Variants in PRR12 observed in about 807,000 individuals in gnomAD.
PRR12 encodes proline-rich protein 12.
Under a neutral mutation model 138.0 loss-of-function variants are expected in PRR12, and 12 were observed. That is an observed-to-expected ratio of 0.09 (90% CI 0.06 to 0.14). The LOEUF (loss-of-function observed/expected upper bound fraction) is 0.14. Among genes scored for constraint, PRR12 ranks in the 10% least tolerant of loss-of-function variants. The probability of loss-of-function intolerance (pLI) is 1.00; values close to 1 mark genes in which losing one functional copy is unlikely to be tolerated. For synonymous variants in PRR12, 1,567 were observed against 1,291.7 expected (o/e 1.21, Z -4.57); for missense variants, 2,692 against 2,861.3 (o/e 0.94, Z 1.35).
chr19:49,620,603 G>T, intron 10 of PRR12, 126 bp downstream of exon 10: 2 of 1,367,076 alleles, frequency 1.5e-6, no homozygotes, highest in South Asian at 1.4e-5. Flanking sequence ...GAGGGAAGAG[G>T]AGCTGAGGCC....
rs746776469 is a variant in PRR12, at chr19:49,595,094, TGCCGCC to T, written c.765_770del (p.Ala257_Ala258del). 1 of 1,610,602 alleles carries T rather than the reference TGCCGCC, an allele frequency of 6.2e-7. No homozygotes were observed. The highest frequency in any genetic ancestry group is 1.3e-5 in the African/African-American group (1 of 74,494). On this transcript the variant is annotated inframe_deletion, in exon 4 of 14. Transcript: ENST00000418929. ...TCAACCTGCTGGCTTCCTCTTCCGC[TGCCGCC>T]GCCGCTGCCGAGCAGTCCTCCCCAC...
Position 49,591,248 on chromosome 19 carries a change from G to A in PRR12, c.-407G>A, listed in dbSNP as rs1335212589. Reference sequence around the variant, plus strand: ...GAGCGCAGAGGAGGAGGAGGCGGCGGCGGCGGCGGCGAGAGAGCGAGCACC... The same window carrying A: ...GAGCGCAGAGGAGGAGGAGGCGGCGACGGCGGCGGCGAGAGAGCGAGCACC... On this transcript the variant is annotated 5_prime_UTR_variant, in exon 1 of 14. Transcript: ENST00000418929. Among the ~76,000 whole-genome samples the A allele has an allele frequency of 6.7e-6, 1 of 149,508 alleles. No individual in the cohort carries two copies. Among genetic ancestry groups the A allele is most frequent in the African/African-American group, 2.5e-5 (1 of 40,406 alleles).
intron 6 of PRR12, among the ~76,000 whole-genome samples, chr19:49,609,176 G>A (rs1381431493): frequency 6.6e-6 from 1 of 152,174 alleles, no homozygotes; most frequent in Admixed American, 6.5e-5. Flanking sequence ...TTAGCCAGGT[G>A]TGGTGGCACA....
intron 9 of PRR12, among the ~76,000 whole-genome samples, chr19:49,617,935 TAA>T (rs1439641197): frequency 6.6e-6 from 1 of 151,862 alleles, no homozygotes; most frequent in Admixed American, 6.6e-5. Context: ...CCGTCTCTAC[TAA>T]AAATAAAAAA....
In PRR12 at chr19:49,600,608, G is replaced by A. The variant is rs549966118; in HGVS notation, c.4345+670G>A. 1.1e-4 allele frequency among the ~76,000 whole-genome samples: 17 copies of A among 151,986 alleles called. 1 individual carries two copies. In the South Asian group the frequency reaches 3.5e-3, roughly 32 times the overall value. ...GTTGAGGCTGCAGTGAGCCATGATT[G>A]AGCCACTGTACTCCAGCCTGGGTGA... On this transcript the variant is annotated intron_variant, in intron 5 of 13. Transcript: ENST00000418929.
rs931505246 is a variant in PRR12 at position 49,617,837 on chromosome 19, G to A, written c.5497+1618G>A. Among the ~76,000 whole-genome samples the A allele has an allele frequency of 9.2e-5, 14 of 152,064 alleles. No individual in the cohort carries two copies. The East Asian group carries it at 1.7e-3, about 19-fold the overall frequency. On this transcript the variant is annotated intron_variant, in intron 9 of 13. Coordinates refer to ENST00000418929, the MANE Select transcript of PRR12 (RefSeq NM_020719.3). The stretch of plus-strand genomic sequence containing the variant: ...GAAAATAAAAGCGGCCGGGCACAGT[G>A]GCTGATGCCCAGCACTTTGAGAGGC...
Position 49,616,288 on chromosome 19 carries a change from A to G in PRR12, c.5497+69A>G. On this transcript the variant is annotated intron_variant, in intron 9 of 13. Coordinates refer to ENST00000418929, the MANE Select transcript of PRR12 (RefSeq NM_020719.3). The surrounding 1 kb of genome is among the most constrained non-coding windows in gnomAD (Gnocchi z 4.2). ...AGGGACACAGGTGAGGGCTGTCCAGAGGGCTCCAGGTAGCCTTGGCAGGAC... is the reference window on the plus strand; with the variant it reads ...AGGGACACAGGTGAGGGCTGTCCAGGGGGCTCCAGGTAGCCTTGGCAGGAC... The G allele has an allele frequency of 7.4e-7, 1 of 1,353,632 alleles. No individual in the cohort carries two copies. The highest frequency in any genetic ancestry group is 9.9e-7 in the Non-Finnish European group (1 of 1,013,532). The allele number at this position is 1,353,632 out of a possible 1,614,324, so 83.9% of individuals were successfully genotyped here.
In PRR12 at chr19:49,597,434, C is replaced by A; in HGVS notation, c.3099C>A (p.Gly1033=). The change falls in exon 4 of 14, where the codon GGC becomes GGA. Residue 1033 remains glycine, a synonymous_variant. Coordinates refer to ENST00000418929, the MANE Select transcript of PRR12 (RefSeq NM_020719.3). The surrounding 1 kb of genome is among the most constrained non-coding windows in gnomAD (Gnocchi z 6.3). ...AGCCGCTGGGCCTGATCCAGAGTGG[C>A]CCCCACCAGGCGGCGCCACCACCCC... ...NAEPLGLIQS[G]PHQAAPPPPP... is the part of the protein sequence containing the mutation. 1 of 1,538,254 alleles carries A rather than the reference C, an allele frequency of 6.5e-7. No homozygotes were observed.
chr19:49,616,402 T>C lies in PRR12; in HGVS notation c.5497+183T>C, dbSNP rs2080893585. On this transcript the variant is annotated intron_variant, in intron 9 of 13. Transcript: ENST00000418929. The surrounding 1 kb of genome is among the most constrained non-coding windows in gnomAD (Gnocchi z 4.2). ...GACAGGCTGCCTCCTGAGAAGCTGA[T>C]GGATGTTAACTTGTGTAATTTTCAC... is the stretch of plus-strand genomic sequence containing the variant. 6.6e-6 allele frequency among the ~76,000 whole-genome samples: 1 copy of C among 152,156 alleles called. No individual in the cohort carries two copies. Among genetic ancestry groups the C allele is most frequent in the African/African-American group, 2.4e-5 (1 of 41,430 alleles).
At chr19:49,592,106 C>G (rs938831034) in intron 1 of PRR12, among the ~76,000 whole-genome samples, 5 of 151,084 alleles carry the variant, frequency 3.3e-5, no homozygotes, top group African/African-American at 9.7e-5. Context: ...ACTGCTCTTG[C>G]AAAGGTGGGA....
At chr19:49,613,703 T>C (rs1410953585) in intron 6 of PRR12, among the ~76,000 whole-genome samples, 1 of 152,212 alleles carries the variant, frequency 6.6e-6, no homozygotes, top group Non-Finnish European at 1.5e-5. Flanking sequence ...CCCTGTTTTG[T>C]TTATTTGCTT....
chr19:49,625,069 G>A lies in PRR12; in HGVS notation c.5869-36G>A. On this transcript the variant is annotated intron_variant, in intron 12 of 13. Coordinates refer to ENST00000418929, the MANE Select transcript of PRR12 (RefSeq NM_020719.3). This position sits in a 1 kb window ranked among gnomAD's most constrained non-coding sequence, Gnocchi z 5.5. ...GGAGGAGAGGGGCTGCCAAGTGCCGGGCTGGAGGGGCTGAGGCATCTCCAC... is the reference window on the plus strand; with the variant it reads ...GGAGGAGAGGGGCTGCCAAGTGCCGAGCTGGAGGGGCTGAGGCATCTCCAC... 6.2e-7 allele frequency: 1 copy of A among 1,612,288 alleles called. No individual in the cohort carries two copies. The highest frequency in any genetic ancestry group is 8.5e-7 in the Non-Finnish European group (1 of 1,178,530).
chr19:49,592,284 G>C (rs2032105176), intron 1 of PRR12, among the ~76,000 whole-genome samples: 2 of 151,426 alleles, frequency 1.3e-5, no homozygotes, highest in South Asian at 2.1e-4. Flanking sequence ...GTGTGTGTAA[G>C]GGAGGGGGTC....
rs371101005 is a variant in PRR12, at chr19:49,599,496, G to A, written c.3903G>A (p.Ala1301=). The change falls in exon 5 of 14, where the codon GCG becomes GCA. Residue 1301 remains alanine (A), a synonymous_variant. Transcript: ENST00000418929. This position sits in a 1 kb window ranked among gnomAD's most constrained non-coding sequence, Gnocchi z 5.0. ...AGCGCCACCCACCACTCTACCAGGC[G>A]GGCCTGACGCCTCCGCTCAGCCCTC... ...SGKRHPPLYQ[A]GLTPPLSPPK... 150 of 1,599,982 alleles carry A rather than the reference G, an allele frequency of 9.4e-5. No individual in the cohort carries two copies. Among genetic ancestry groups the A allele is most frequent in the Non-Finnish European group, 1.1e-4 (133 of 1,174,046 alleles).
Position 49,599,873 on chromosome 19 carries a change from C to T in PRR12, c.4280C>T (p.Ala1427Val), listed in dbSNP as rs771665064. ...CCAGATGGGCCGCCCTTGGCCCCCGCGGCTGCAGTTCCAGGGCCACCCCCT... is the reference window on the plus strand; with the variant it reads ...CCAGATGGGCCGCCCTTGGCCCCCGTGGCTGCAGTTCCAGGGCCACCCCCT... Reference protein sequence around the residue: ...STPDGPPLAPAAAVPGPPPLP... With the variant: ...STPDGPPLAPVAAVPGPPPLP... Residue 1427 changes from alanine to valine, a missense_variant, in exon 5 of 14, where the codon GCG (alanine) becomes GTG (valine). By Grantham distance (64) the Ala-to-Val change is moderately conservative. Around this residue, in one of 11 missense-constraint regions of PRR12, gnomAD observed 231 missense variants for 200.8 expected, o/e 1.15. Transcript: ENST00000418929. This position sits in a 1 kb window ranked among gnomAD's most constrained non-coding sequence, Gnocchi z 5.0. 1.1e-4 allele frequency: 171 copies of T among 1,612,726 alleles called. 1 individual carries two copies. The South Asian group carries it at 1.7e-3, about 16-fold the overall frequency.
intron 6 of PRR12, among the ~76,000 whole-genome samples, chr19:49,604,363 C>CAA (rs758315046): frequency 1.4e-4 from 13 of 91,322 alleles, no homozygotes; most frequent in East Asian, 6.3e-4. Flanking sequence ...GAGACTGTCT[C>CAA]AAAAAAAAAA....
In PRR12 at chr19:49,615,908, C is replaced by G; in HGVS notation, c.5186C>G (p.Pro1729Arg). Residue 1729 changes from proline (P) to arginine (R), a missense_variant, in exon 9 of 14, where the codon CCC becomes CGC. By Grantham distance (103) the Pro-to-Arg change is moderately radical. Transcript: ENST00000418929. ...PETAMPEPPA[P>R]EKPSLLRPVE... Reference sequence around the variant, plus strand: ...ACGGCCATGCCTGAGCCCCCTGCCCCCGAGAAGCCCTCCCTCCTGCGGCCT... The same window carrying G: ...ACGGCCATGCCTGAGCCCCCTGCCCGCGAGAAGCCCTCCCTCCTGCGGCCT... 4.5e-6 allele frequency: 7 copies of G among 1,563,968 alleles called. No homozygotes were observed. The highest frequency in any genetic ancestry group is 5.2e-6 in the Non-Finnish European group (6 of 1,154,254).
chr19:49,616,463 C>T lies in PRR12; in HGVS notation c.5497+244C>T, dbSNP rs2080893797. The stretch of plus-strand genomic sequence containing the variant: ...AGGTAGATACTGTTATCCTCATCTA[C>T]AGATGAGGAAGCTGAGGCTCCAAGA... On this transcript the variant is annotated intron_variant, in intron 9 of 13. Coordinates refer to ENST00000418929, the MANE Select transcript of PRR12 (RefSeq NM_020719.3). The surrounding 1 kb of genome is among the most constrained non-coding windows in gnomAD (Gnocchi z 4.2). Among the ~76,000 whole-genome samples, 1 of 152,158 alleles carries T rather than the reference C, an allele frequency of 6.6e-6. No individual in the cohort carries two copies. The highest frequency in any genetic ancestry group is 1.5e-5 in the Non-Finnish European group (1 of 68,032).
intron 6 of PRR12, among the ~76,000 whole-genome samples, chr19:49,607,450 A>C (rs1349428312): frequency 6.6e-6 from 1 of 152,096 alleles, no homozygotes; most frequent in Non-Finnish European, 1.5e-5. Flanking sequence ...TCATGCCTGT[A>C]ATCTCAGCAC....
Sources: gnomAD v4.1 joint callset for allele counts (sites outside exome capture counted in the v4.1 genomes callset) on GRCh38, gnomAD v4.1.1 for gene constraint, gnomAD v4.1.1 regional missense constraint, Gnocchi (gnomAD v3.1) non-coding constraint, MANE v1.5 for transcripts, NCBI Gene and HGNC (gene_info 2026-07-23, HGNC 2026-07-21) for gene names.